Variants in SLC1A4 observed in about 807,000 individuals in gnomAD.
SLC1A4 encodes solute carrier family 1 member 4, also known as neutral amino acid transporter A.
A neutral mutation model predicts 37.7 loss-of-function variants in SLC1A4; 19 were observed. The ratio of observed to expected loss-of-function variants is 0.50; its 90% CI spans 0.35 to 0.74. The LOEUF (loss-of-function observed/expected upper bound fraction) is 0.74. Among genes scored for constraint, SLC1A4 ranks in the 30% least tolerant of loss-of-function variants. SLC1A4 has a pLI of 0.01. For synonymous variants in SLC1A4, 299 were observed against 309.8 expected (o/e 0.97, Z 0.37); for missense variants, 570 against 712.9 (o/e 0.80, Z 2.28).
chr2:65,017,988 C>G (rs1012252934), intron 5 of SLC1A4, 83 bp from the exon 6 acceptor site: 1 of 1,176,604 alleles, frequency 8.5e-7, no homozygotes, highest in Non-Finnish European at 1.2e-6. Context: ...GCTAATTGCT[C>G]TGTTCTGGGG....
intron 1 of SLC1A4, among the ~76,000 whole-genome samples, chr2:64,995,610 G>A (rs1027680996): frequency 3.9e-5 from 6 of 152,024 alleles, no homozygotes; most frequent in Admixed American, 3.9e-4. Flanking sequence ...CCTTGTAGGG[G>A]GTACCAAGAT....
At chr2:64,997,085 A>T (rs7592015) in intron 1 of SLC1A4, among the ~76,000 whole-genome samples, 3,719 of 152,202 alleles carry the variant, frequency 0.024, 142 homozygotes, top group African/African-American at 0.083. Context: ...CCTTGGTGAC[A>T]GCAGGAGGGC....
intron 2 of SLC1A4, among the ~76,000 whole-genome samples, chr2:65,003,283 C>T (rs995697138): frequency 1.3e-5 from 2 of 152,214 alleles, no homozygotes; most frequent in African/African-American, 4.8e-5. Context: ...ACTGTACTAA[C>T]AGATTCCACT....
chr2:65,021,420 G>C lies in SLC1A4; in HGVS notation c.*274G>C, dbSNP rs774298660. On this transcript the variant is annotated 3_prime_UTR_variant, in exon 8 of 8. Transcript: ENST00000234256. ...GGGATCTGTTTGGAAACAACCCCTT[G>C]AGCTGCCAGGCTCAAGAAATCATGG... 1 of 455,450 alleles carries C rather than the reference G, an allele frequency of 2.2e-6. No individual in the cohort carries two copies. The highest frequency in any genetic ancestry group is 4.0e-6 in the Non-Finnish European group (1 of 252,950). 28.2% of individuals were successfully genotyped at this position (455,450 alleles called of 1,614,324 possible).
intron 2 of SLC1A4, among the ~76,000 whole-genome samples, chr2:65,001,905 C>T (rs984625110): frequency 3.3e-5 from 5 of 152,176 alleles, no homozygotes; most frequent in Admixed American, 2.0e-4. Context: ...CATCCATAGT[C>T]ACTGTCTAGA....
At chr2:64,995,745 G>C (rs923012536) in intron 1 of SLC1A4, among the ~76,000 whole-genome samples, 1 of 152,014 alleles carries the variant, frequency 6.6e-6, no homozygotes, top group South Asian at 2.1e-4. Context: ...TAATAGATTT[G>C]GTAAAGAATT....
Position 65,016,452 on chromosome 2 carries a change from G to T in SLC1A4, c.813G>T (p.Val271=), listed in dbSNP as rs1462183184. The T allele has an allele frequency of 6.2e-7, 1 of 1,613,874 alleles. No homozygotes were observed. Among genetic ancestry groups the T allele is most frequent in the Non-Finnish European group, 8.5e-7 (1 of 1,179,890 alleles). ...LVSWIMWYVP[V]GIMFLVGSKI... is the part of the protein sequence containing the mutation. ...GCTTGTGCCCTAGGTACGTACCTGT[G>T]GGCATCATGTTCCTTGTTGGAAGCA... is the stretch of plus-strand genomic sequence containing the variant. Residue 271 remains valine, a synonymous_variant, in exon 5 of 8, where the codon GTG becomes GTT. Transcript: ENST00000234256.
At position 65,018,582 on chromosome 2, in the gene SLC1A4, G is replaced by A. The variant is rs780694983; in HGVS notation, c.1267G>A (p.Val423Met). 11 of 1,614,214 alleles carry A rather than the reference G, an allele frequency of 6.8e-6. No individual in the cohort carries two copies. The highest frequency in any genetic ancestry group is 2.2e-5 in the South Asian group (2 of 91,088). ...ATASSVGAAG[V>M]PAGGVLTIAI... ...AGCGTCCAGTGTTGGAGCAGCAGGCGTGCCAGCTGGAGGGGTCCTCACCAT... is the reference window on the plus strand; with the variant it reads ...AGCGTCCAGTGTTGGAGCAGCAGGCATGCCAGCTGGAGGGGTCCTCACCAT... Residue 423 changes from valine (V) to methionine (M), a missense_variant, in exon 7 of 8, where the codon GTG (valine) becomes ATG (methionine). Physicochemically the swap from Val to Met is conservative, Grantham distance 21. Coordinates refer to ENST00000234256, the MANE Select transcript of SLC1A4 (RefSeq NM_003038.5). The surrounding 1 kb of genome is among the most constrained non-coding windows in gnomAD (Gnocchi z 4.3).
At chr2:64,992,322 GT>G (rs1011921235) in intron 1 of SLC1A4, among the ~76,000 whole-genome samples, 3 of 152,172 alleles carry the variant, frequency 2.0e-5, no homozygotes, top group African/African-American at 7.2e-5. Flanking sequence ...CCTGATCATG[GT>G]TTTCTAGTTT....
chr2:64,989,978 G>T lies in SLC1A4; in HGVS notation c.335G>T (p.Arg112Leu), dbSNP rs769561112. 1 of 1,584,774 alleles carries T rather than the reference G, an allele frequency of 6.3e-7. No homozygotes were observed. Residue 112 changes from arginine (R) to leucine (L), a missense_variant, in exon 1 of 8, where the codon CGT becomes CTT. Physicochemically the swap from Arg to Leu is moderately radical, Grantham distance 102. Coordinates refer to ENST00000234256, the MANE Select transcript of SLC1A4 (RefSeq NM_003038.5). ...AASLDASCLGRLGGIAVAYFG... is the reference protein window; with the variant it reads ...AASLDASCLGLLGGIAVAYFG... ...TCGCTCGATGCCAGCTGCCTCGGGC[G>T]TCTGGGCGGCATCGCTGTCGCCTAC...
At chr2:64,995,334 T>C (rs1355332972) in intron 1 of SLC1A4, among the ~76,000 whole-genome samples, 3 of 152,160 alleles carry the variant, frequency 2.0e-5, no homozygotes, top group African/African-American at 7.2e-5. Context: ...CCTAGAATGG[T>C]TGTGAGGATT....
intron 1 of SLC1A4, among the ~76,000 whole-genome samples, chr2:64,996,909 G>A (rs1195995596): frequency 6.6e-6 from 1 of 152,134 alleles, no homozygotes; most frequent in Non-Finnish European, 1.5e-5. Flanking sequence ...CAGAGCTCTG[G>A]GAAGCAAAAC....
chr2:64,996,331 G>A (rs372954294), intron 1 of SLC1A4, among the ~76,000 whole-genome samples: 1 of 152,244 alleles, frequency 6.6e-6, no homozygotes, highest in East Asian at 1.9e-4. Flanking sequence ...TGATTTAATG[G>A]TCTACTGATA....
intron 1 of SLC1A4, among the ~76,000 whole-genome samples, chr2:64,994,000 G>A (rs1673158358): frequency 1.3e-5 from 2 of 152,222 alleles, no homozygotes; most frequent in African/African-American, 4.8e-5. Context: ...TAGATGGGAA[G>A]AAGAGGAATG....
intron 1 of SLC1A4, among the ~76,000 whole-genome samples, chr2:64,996,066 A>G (rs955478996): frequency 1.3e-5 from 2 of 152,118 alleles, no homozygotes; most frequent in African/African-American, 4.8e-5. Flanking sequence ...TTGTTCATTC[A>G]TTATCTCCTG....
Position 64,989,734 on chromosome 2 carries a change from C to T in SLC1A4, c.91C>T (p.Arg31Cys), listed in dbSNP as rs976879943. The change falls in exon 1 of 8, where the codon CGC (arginine) becomes TGC (cysteine). Residue 31 changes from arginine (R) to cysteine (C), a missense_variant. Coordinates refer to ENST00000234256, the MANE Select transcript of SLC1A4 (RefSeq NM_003038.5). Reference sequence around the variant, plus strand: ...CGGAGCTCCGGGGACCGCGGCGGGACGCGCACGGCGTTGCGCGGGCTTCCT... The same window carrying T: ...CGGAGCTCCGGGGACCGCGGCGGGATGCGCACGGCGTTGCGCGGGCTTCCT... ...GPGAPGTAAG[R>C]ARRCAGFLRR... is the part of the protein sequence containing the mutation. 6 of 1,464,536 alleles carry T rather than the reference C, an allele frequency of 4.1e-6. No individual in the cohort carries two copies. The highest frequency in any genetic ancestry group is 5.4e-6 in the Non-Finnish European group (6 of 1,113,352). The allele number at this position is 1,464,536 out of a possible 1,614,324, so 90.7% of individuals were successfully genotyped here.
chr2:65,010,646 T>C lies in SLC1A4; in HGVS notation c.683T>C (p.Leu228Pro). 2 of 1,614,100 alleles carry C rather than the reference T, an allele frequency of 1.2e-6. No individual in the cohort carries two copies. Among genetic ancestry groups the C allele is most frequent in the Non-Finnish European group, 1.7e-6 (2 of 1,179,956 alleles). The change falls in exon 4 of 8, where the codon CTG (leucine) becomes CCG (proline). Residue 228 changes from leucine to proline, a missense_variant. Leu to Pro is a moderately conservative substitution (Grantham distance 98, BLOSUM62 -3). Transcript: ENST00000234256. ...GGGATGAACATTTTAGGATTGGTCC[T>C]GTTTGCTCTGGTGTTAGGAGTGGCC... ...IEGMNILGLV[L>P]FALVLGVALK...
Sources: gnomAD v4.1 joint callset for allele counts (sites outside exome capture counted in the v4.1 genomes callset) on GRCh38, gnomAD v4.1.1 for gene constraint, Gnocchi (gnomAD v3.1) non-coding constraint, MANE v1.5 for transcripts, NCBI Gene and HGNC (gene_info 2026-07-23, HGNC 2026-07-21) for gene names.